GHDC: variants seen among roughly 807,000 people sequenced by gnomAD.
The protein encoded by GHDC is GH3 domain-containing protein.
A neutral mutation model predicts 51.5 loss-of-function variants in GHDC; 39 were observed. The observed-to-expected ratio is 0.76, with a 90% CI of 0.59 to 0.99. GHDC has a LOEUF of 0.99. Among genes scored for constraint, GHDC ranks in the 50% least tolerant of loss-of-function variants. The pLI is 0.00. For missense variants in GHDC, 610 were observed against 672.8 expected (o/e 0.91, Z 1.03); for synonymous variants, 282 against 305.2 (o/e 0.92, Z 0.79).
chr17:42,190,305 G>T, intron 8 of GHDC, 35 bp from the exon 9 acceptor site: 1 of 1,614,160 alleles, frequency 6.2e-7, no homozygotes, highest in Non-Finnish European at 8.5e-7. Context: ...CATACTTCCG[G>T]TGAATGGGCA....
chr17:42,191,787 G>C (rs1357616063), intron 5 of GHDC, among the ~76,000 whole-genome samples: 2 of 121,248 alleles, frequency 1.6e-5, no homozygotes, highest in African/African-American at 6.7e-5. Context: ...TTTTGAGACA[G>C]GGTCTTGCTC....
intron 3 of GHDC, 85 bp from the exon 4 acceptor site, chr17:42,193,112 G>A: frequency 6.3e-7 from 1 of 1,596,106 alleles, no homozygotes; most frequent in Non-Finnish European, 8.6e-7. Flanking sequence ...CTTGAGGGAG[G>A]AACCGAGAAT....
chr17:42,194,035 T>A (rs1309236157), intron 1 of GHDC, 185 bp from the exon 2 acceptor site: 2 of 158,958 alleles, frequency 1.3e-5, no homozygotes, highest in Admixed American at 6.4e-5. Flanking sequence ...ATTGAAAAAC[T>A]AGCCCAGCGT....
rs368795539 is a variant in GHDC, at chr17:42,191,254, G to A, written c.890-44C>T. 27 of 1,457,354 alleles carry A rather than the reference G, an allele frequency of 1.9e-5. No individual in the cohort carries two copies. In the East Asian group the frequency reaches 2.4e-4, roughly 13 times the overall value. The allele number at this position is 1,457,354 out of a possible 1,614,324, so 90.3% of individuals were successfully genotyped here. On this transcript the variant is annotated intron_variant, in intron 5 of 9. Transcript: ENST00000587427. ...CTCCTCAGCGTCTGCTGGTGCCATCGCTTTCTGCCAGGCAATAGCCCCTCC... is the reference window on the plus strand; with the variant it reads ...CTCCTCAGCGTCTGCTGGTGCCATCACTTTCTGCCAGGCAATAGCCCCTCC...
chr17:42,190,355 CCA>C, intron 8 of GHDC, 85 bp from the exon 9 acceptor site: 3 of 1,610,644 alleles, frequency 1.9e-6, no homozygotes, highest in Non-Finnish European at 2.5e-6. Context: ...CTGTTCTTCC[CCA>C]CTCTGAGATT....
intron 5 of GHDC, among the ~76,000 whole-genome samples, chr17:42,191,721 A>G (rs1252279047): frequency 1.4e-5 from 2 of 147,240 alleles, no homozygotes; most frequent in African/African-American, 2.5e-5. Context: ...GCCTCTCCCA[A>G]AGTGCTGGGA....
chr17:42,190,019 G>T, intron 9 of GHDC, 98 bp from the exon 10 acceptor site: 1 of 1,324,192 alleles, frequency 7.6e-7, no homozygotes, highest in Non-Finnish European at 1.0e-6. Context: ...TAGAAGTTTT[G>T]TGTGGACAGG....
At chr17:42,193,703 G>A in intron 2 of GHDC, 64 bp downstream of exon 2, 4 of 1,333,678 alleles carry the variant, frequency 3.0e-6, no homozygotes, top group Non-Finnish European at 4.0e-6. Flanking sequence ...TTGGGAAGAA[G>A]GCAGGACCCT....
In GHDC at chr17:42,192,269, G is replaced by A; in HGVS notation, c.861C>T (p.Phe287=). 4 of 1,561,362 alleles carry A rather than the reference G, an allele frequency of 2.6e-6. No homozygotes were observed. Among genetic ancestry groups the A allele is most frequent in the Non-Finnish European group, 2.6e-6 (3 of 1,154,600 alleles). Residue 287 remains phenylalanine (F), a synonymous_variant, in exon 5 of 10, where the codon TTC becomes TTT. Transcript: ENST00000587427. Reference sequence around the variant, plus strand: ...CCGAGGCAGCATAAGCAGGAGAGAAGAAGGCTAGTCCTTGGCACCACAAGG... The same window carrying A: ...CCGAGGCAGCATAAGCAGGAGAGAAAAAGGCTAGTCCTTGGCACCACAAGG... ...LGALWCQGLA[F]FSPAYAASGG...
Position 42,192,709 on chromosome 17 carries a change from C to T in GHDC, c.421G>A (p.Ala141Thr), listed in dbSNP as rs1176155054. The change falls in exon 5 of 10, where the codon GCC (alanine) becomes ACC (threonine). Residue 141 changes from alanine (A) to threonine (T), a missense_variant. By Grantham distance (58) the Ala-to-Thr change is moderately conservative. Around this residue, in one of 2 missense-constraint regions of GHDC, gnomAD observed 198 missense variants for 262.3 expected, o/e 0.75. Coordinates refer to ENST00000587427, the MANE Select transcript of GHDC (RefSeq NM_032484.5). ...TLLGLAALNKAYPEVLAQGRT... is the reference protein window; with the variant it reads ...TLLGLAALNKTYPEVLAQGRT... ...CCCTGAGCCAGCACTTCTGGGTAGG[C>T]CTTGTTTAGGGCTGCCAGACCCAGC... is the stretch of plus-strand genomic sequence containing the variant. 8 of 1,558,678 alleles carry T rather than the reference C, an allele frequency of 5.1e-6. No individual in the cohort carries two copies. Among genetic ancestry groups the T allele is most frequent in the Admixed American group, 3.9e-5 (2 of 51,516 alleles).
chr17:42,193,640 C>T, intron 2 of GHDC, 46 bp from the exon 3 acceptor site: 1 of 1,485,280 alleles, frequency 6.7e-7, no homozygotes, highest in Non-Finnish European at 8.9e-7. Flanking sequence ...CAGCAATTAT[C>T]CATTTCTCCT....
intron 5 of GHDC, among the ~76,000 whole-genome samples, chr17:42,191,559 G>A (rs1176181451): frequency 1.3e-5 from 2 of 151,246 alleles, no homozygotes; most frequent in East Asian, 2.0e-4. Flanking sequence ...CTGGGTTCAA[G>A]TGATTCTCCT....
At position 42,192,355 on chromosome 17, in the gene GHDC, G is replaced by A. The variant is rs760831944; in HGVS notation, c.775C>T (p.Leu259=). The A allele has an allele frequency of 3.7e-6, 6 of 1,613,060 alleles. No homozygotes were observed. The South Asian group carries it at 6.6e-5, about 18-fold the overall frequency. Residue 259 remains leucine, a synonymous_variant, in exon 5 of 10, where the codon CTG becomes TTG. Coordinates refer to ENST00000587427, the MANE Select transcript of GHDC (RefSeq NM_032484.5). The stretch of plus-strand genomic sequence containing the variant: ...GCATCCAGAGTCACCACCACCTGCA[G>A]CTTTGGCCAGAGCCGAAGGGCCAGT... ...RGLALRLWPK[L]QVVVTLDAGG... is the part of the protein sequence containing the mutation.
intron 5 of GHDC, 66 bp from the exon 6 acceptor site, chr17:42,191,276 C>T (rs943020717): frequency 5.8e-5 from 82 of 1,412,720 alleles, no homozygotes; most frequent in Middle Eastern, 4.5e-4. Context: ...GCAATAGCCC[C>T]TCCTGGATCC....
Position 42,189,884 on chromosome 17 carries a change from T to C in GHDC, c.1412A>G (p.Lys471Arg). 6.4e-7 allele frequency: 1 copy of C among 1,555,190 alleles called. No individual in the cohort carries two copies. The highest frequency in any genetic ancestry group is 1.2e-5 in the South Asian group (1 of 84,174). Reference sequence around the variant, plus strand: ...CACGCTGCCCCAGAACCGCAGGGACTTGTAGCGGGGAGAGGCTTCCTGAAG... The same window carrying C: ...CACGCTGCCCCAGAACCGCAGGGACCTGTAGCGGGGAGAGGCTTCCTGAAG... ...HCLQEASPRY[K>R]SLRFWGSVGP... The change falls in exon 10 of 10, where the codon AAG (lysine) becomes AGG (arginine). Residue 471 changes from lysine to arginine, a missense_variant. Lys to Arg is a conservative substitution (Grantham distance 26). Coordinates refer to ENST00000587427, the MANE Select transcript of GHDC (RefSeq NM_032484.5).
rs201134987 is a variant in GHDC at position 42,190,228 on chromosome 17, G to A, written c.1331C>T (p.Ala444Val). 281 of 1,614,088 alleles carry A rather than the reference G, an allele frequency of 1.7e-4. 2 individuals are homozygous for A. In the South Asian group the frequency reaches 1.9e-3, roughly 11 times the overall value. Residue 444 changes from alanine to valine, a missense_variant, in exon 9 of 10, where the codon GCG (alanine) becomes GTG (valine). Around this residue, in one of 2 missense-constraint regions of GHDC, gnomAD observed 412 missense variants for 410.4 expected, o/e 1.00. Coordinates refer to ENST00000587427, the MANE Select transcript of GHDC (RefSeq NM_032484.5). Reference protein sequence around the residue: ...GSAPHYEVFVALRGLRNLSEE... With the variant: ...GSAPHYEVFVVLRGLRNLSEE... ...TGACAGATTCCTCAGCCCCCTCAGC[G>A]CCACAAACACCTCGTAGTGGGGAGC...
chr17:42,190,714 C>A lies in GHDC; in HGVS notation c.1198G>T (p.Asp400Tyr). ...CGGCCCAGGGCCTCAGAGAACAGGTCTTCACCAATATCTTCCCCTCGCACA... is the reference window on the plus strand; with the variant it reads ...CGGCCCAGGGCCTCAGAGAACAGGTATTCACCAATATCTTCCCCTCGCACA... Reference protein sequence around the residue: ...LSVRGEDIGEDLFSEALGRAV... With the variant: ...LSVRGEDIGEYLFSEALGRAV... Residue 400 changes from aspartate (D) to tyrosine (Y), a missense_variant, in exon 8 of 10, where the codon GAC becomes TAC. This residue lies in a region of GHDC where 412 missense variants were observed against 410.4 expected (regional missense o/e 1.00). Transcript: ENST00000587427. 6.2e-7 allele frequency: 1 copy of A among 1,614,120 alleles called. No homozygotes were observed. Among genetic ancestry groups the A allele is most frequent in the Non-Finnish European group, 8.5e-7 (1 of 1,180,016 alleles).
rs1598284608 is a variant in GHDC, at chr17:42,189,844, G to C, written c.1452C>G (p.Val484=). Residue 484 remains valine (V), a synonymous_variant, in exon 10 of 10, where the codon GTC becomes GTG. Coordinates refer to ENST00000587427, the MANE Select transcript of GHDC (RefSeq NM_032484.5). ...GGAAGGCTCCCTGCCCCACCAGGTG[G>C]ACTCTGGCAGGGCCCACGCTGCCCC... ...RFWGSVGPAR[V]HLVGQGAFRA... 7 of 1,561,072 alleles carry C rather than the reference G, an allele frequency of 4.5e-6. No homozygotes were observed. In the East Asian group the frequency reaches 1.7e-4, roughly 37 times the overall value.
At chr17:42,190,795 C>A in intron 7 of GHDC, 37 bp downstream of exon 7, 5 of 1,613,896 alleles carry the variant, frequency 3.1e-6, no homozygotes, top group South Asian at 1.1e-5. Context: ...GAGCCCAGGA[C>A]ACAAGGATGG....
Sources: allele counts gnomAD v4.1 joint callset (sites outside exome capture counted in the v4.1 genomes callset), GRCh38; gene constraint gnomAD v4.1.1; regional missense constraint gnomAD v4.1.1; transcripts MANE v1.5; gene names NCBI Gene and HGNC (gene_info 2026-07-23, HGNC 2026-07-21).